Variants in GRM8 observed in about 807,000 individuals in gnomAD.
GRM8 encodes metabotropic glutamate receptor 8.
GRM8 carries 47 observed loss-of-function variants against 87.2 expected under a neutral mutation model. The observed-to-expected ratio is 0.54, with a 90% CI of 0.43 to 0.69. GRM8 has a LOEUF of 0.69. Ranked by LOEUF, GRM8 falls within the 30% of genes least tolerant of loss-of-function variation. The pLI, the probability that GRM8 is intolerant of heterozygous loss-of-function variation, is 0.00. For missense variants in GRM8, 1,019 were observed against 1,139.2 expected (o/e 0.89, Z 1.52); for synonymous variants, 396 against 404.5 (o/e 0.98, Z 0.25).
At chr7:126,828,662 C>T (rs1795056707) in intron 6 of GRM8, among the ~76,000 whole-genome samples, 1 of 152,076 alleles carries the variant, frequency 6.6e-6, no homozygotes, top group Non-Finnish European at 1.5e-5. Context: ...AAAACCAGCT[C>T]CTGGATTCAT....
intron 2 of GRM8, among the ~76,000 whole-genome samples, chr7:127,220,683 C>T (rs751084249): frequency 1.2e-4 from 18 of 152,076 alleles, no homozygotes; most frequent in Non-Finnish European, 2.1e-4. Context: ...GAAACAATGT[C>T]TCAGTATGTT....
intron 2 of GRM8, among the ~76,000 whole-genome samples, chr7:127,232,277 C>A (rs951430757): frequency 2.0e-5 from 3 of 151,720 alleles, no homozygotes; most frequent in African/African-American, 7.3e-5. Context: ...GTTTCCCAGG[C>A]TGGAGTGCAG....
At chr7:126,745,717 C>T (rs1815586337) in intron 7 of GRM8, among the ~76,000 whole-genome samples, 1 of 151,598 alleles carries the variant, frequency 6.6e-6, no homozygotes, top group Admixed American at 6.6e-5. Context: ...ACGGTACAAC[C>T]TCTGCTTGTA....
intron 2 of GRM8, among the ~76,000 whole-genome samples, chr7:127,194,356 A>C (rs1795176331): frequency 6.6e-6 from 1 of 152,180 alleles, no homozygotes; most frequent in East Asian, 1.9e-4. Flanking sequence ...GTGAGAGTAA[A>C]TGTTAGCTAT....
At chr7:127,012,712 T>C (rs1267405579) in intron 3 of GRM8, among the ~76,000 whole-genome samples, 3 of 152,146 alleles carry the variant, frequency 2.0e-5, no homozygotes, top group Non-Finnish European at 4.4e-5. Context: ...AATAAATACT[T>C]CAAAATTATT....
chr7:126,626,662 T>C (rs1320667709), intron 7 of GRM8, among the ~76,000 whole-genome samples: 1 of 152,118 alleles, frequency 6.6e-6, no homozygotes, highest in Non-Finnish European at 1.5e-5. Context: ...GTATGACAAG[T>C]TTCCTATTTT....
At chr7:127,050,380 G>C (rs1819345377) in intron 3 of GRM8, among the ~76,000 whole-genome samples, 1 of 152,174 alleles carries the variant, frequency 6.6e-6, no homozygotes, top group African/African-American at 2.4e-5. Context: ...TTCACACCAG[G>C]TACGAATCCA....
chr7:126,440,771 G>T (rs1801380699), intron 10 of GRM8, among the ~76,000 whole-genome samples: 1 of 151,986 alleles, frequency 6.6e-6, no homozygotes, highest in African/African-American at 2.4e-5. Context: ...TATGATGTTT[G>T]CGCAAAGACA....
intron 2 of GRM8, among the ~76,000 whole-genome samples, chr7:127,237,490 G>A (rs1328014251): frequency 6.6e-6 from 1 of 152,292 alleles, no homozygotes; most frequent in East Asian, 1.9e-4. Flanking sequence ...GAGTCTCTTG[G>A]AAGAAAATAT....
intron 9 of GRM8, among the ~76,000 whole-genome samples, chr7:126,477,591 GAA>G (rs75426838): frequency 0.019 from 926 of 49,812 alleles, 11 homozygotes; most frequent in African/African-American, 0.053. Flanking sequence ...GAGAAAGAAA[GAA>G]AGAAAGAAAG....
intron 2 of GRM8, among the ~76,000 whole-genome samples, chr7:127,172,202 CTTTT>C (rs1793842219): frequency 6.6e-6 from 1 of 151,822 alleles, no homozygotes; most frequent in South Asian, 2.1e-4. Flanking sequence ...ATTGATATTT[CTTTT>C]GTTATTCTTG....
intron 2 of GRM8, among the ~76,000 whole-genome samples, chr7:127,224,550 A>G (rs923493250): frequency 6.6e-6 from 1 of 152,228 alleles, no homozygotes; most frequent in Non-Finnish European, 1.5e-5. Context: ...GAAGTTCTCT[A>G]AACAAAAAGG....
chr7:127,238,306 ATGTGTGTG>A (rs3039798), intron 2 of GRM8, among the ~76,000 whole-genome samples: 7,412 of 146,832 alleles, frequency 0.05, 216 homozygotes, highest in Admixed American at 0.085. Context: ...GTGTGTGTGC[ATGTGTGTG>A]TGTGTGTGTG....
At chr7:126,772,872 C>T (rs1052420730) in intron 6 of GRM8, among the ~76,000 whole-genome samples, 9 of 152,062 alleles carry the variant, frequency 5.9e-5, no homozygotes, top group Non-Finnish European at 1.2e-4. Flanking sequence ...AAGAATTTCC[C>T]ATTTCTCAGG....
At chr7:127,137,830 C>A (rs1392694809) in intron 2 of GRM8, among the ~76,000 whole-genome samples, 3 of 152,094 alleles carry the variant, frequency 2.0e-5, no homozygotes, top group Non-Finnish European at 2.9e-5. Flanking sequence ...TGCCTAGAGG[C>A]AATCTTCTTC....
intron 7 of GRM8, among the ~76,000 whole-genome samples, chr7:126,617,546 G>A (rs1362866849): frequency 6.6e-6 from 1 of 152,158 alleles, no homozygotes; most frequent in African/African-American, 2.4e-5. Flanking sequence ...GCAGGAGAAA[G>A]AAATAAAGGG....
chr7:126,821,441 TAAC>T (rs999059880), intron 6 of GRM8, among the ~76,000 whole-genome samples: 1 of 152,178 alleles, frequency 6.6e-6, no homozygotes, highest in African/African-American at 2.4e-5. Flanking sequence ...AAAAGTGGAA[TAAC>T]AACAACATTC....
chr7:126,934,679 T>C (rs1003886957), intron 3 of GRM8, among the ~76,000 whole-genome samples: 5 of 152,118 alleles, frequency 3.3e-5, no homozygotes, highest in Non-Finnish European at 7.4e-5. Flanking sequence ...AAGGAGGTAG[T>C]CTTTTCTGTG....
chr7:126,813,706 A>G (rs953844680), intron 6 of GRM8, among the ~76,000 whole-genome samples: 5 of 152,080 alleles, frequency 3.3e-5, no homozygotes, highest in African/African-American at 1.2e-4. Context: ...TCCAATTTCC[A>G]TTCTCCATGA....
Sources: gnomAD v4.1 joint callset for allele counts (sites outside exome capture counted in the v4.1 genomes callset) on GRCh38, gnomAD v4.1.1 for gene constraint, MANE v1.5 for transcripts, NCBI Gene and HGNC (gene_info 2026-07-23, HGNC 2026-07-21) for gene names.